The following ARID4B variants were observed in gnomAD, a reference collection of about 807,000 sequenced individuals.
ARID4B encodes AT-rich interaction domain 4B.
Under a neutral mutation model 147.5 loss-of-function variants are expected in ARID4B, and 26 were observed. That is an observed-to-expected ratio of 0.18 (90% CI 0.13 to 0.24). ARID4B has a LOEUF of 0.24. Ranked by LOEUF, ARID4B falls within the 10% of genes least tolerant of loss-of-function variation. ARID4B has a pLI of 1.00. For missense variants in ARID4B, 1,179 were observed against 1,511.5 expected (o/e 0.78, Z 3.65); for synonymous variants, 512 against 507.9 (o/e 1.01, Z -0.11).
chr1:235,221,808 T>C, intron 13 of ARID4B, 146 bp from the exon 14 acceptor site: 2 of 400,780 alleles, frequency 5.0e-6, no homozygotes, highest in Admixed American at 4.2e-5. Context: ...AATTCTAAAT[T>C]TGGTTTAAAA....
In ARID4B at chr1:235,213,828, A is replaced by C; in HGVS notation, c.1782T>G (p.Asp594Glu). ...GGACCTCTCCACCTTCGACATCAGA[A>C]TCTTTAATACTAGCTTCATACATTT... ...NQKMYEASIK[D>E]SDVEGGEVLY... The change falls in exon 17 of 24, where the codon GAT becomes GAG. Residue 594 changes from aspartate to glutamate, a missense_variant. By Grantham distance (45) the Asp-to-Glu change is conservative. This residue lies in a region of ARID4B where 28 missense variants were observed against 67.6 expected (regional missense o/e 0.41). Transcript: ENST00000264183. 3 of 1,614,096 alleles carry C rather than the reference A, an allele frequency of 1.9e-6. No homozygotes were observed. The highest frequency in any genetic ancestry group is 2.5e-6 in the Non-Finnish European group (3 of 1,179,980).
Position 235,265,593 on chromosome 1 carries a change from G to A in ARID4B, c.7-4841C>T, listed in dbSNP as rs1239990572. Among the ~76,000 whole-genome samples, 3 of 151,910 alleles carry A rather than the reference G, an allele frequency of 2.0e-5. No individual in the cohort carries two copies. In the East Asian group the frequency reaches 5.8e-4, roughly 29 times the overall value. On this transcript the variant is annotated intron_variant, in intron 2 of 23. Coordinates refer to ENST00000264183, the MANE Select transcript of ARID4B (RefSeq NM_016374.6). The stretch of plus-strand genomic sequence containing the variant: ...ACCTGCTTGTAGTCCTGGCTATGAG[G>A]GAGGCTAAGGTGGGAGGACCACTTC...
At chr1:235,197,818 C>T (rs1382503347) in intron 17 of ARID4B, among the ~76,000 whole-genome samples, 1 of 152,150 alleles carries the variant, frequency 6.6e-6, no homozygotes, top group Admixed American at 6.5e-5. Context: ...AAGTATTCTT[C>T]TACTAAATAC....
At chr1:235,302,886 T>G (rs1393805339) in intron 2 of ARID4B, among the ~76,000 whole-genome samples, 1 of 152,208 alleles carries the variant, frequency 6.6e-6, no homozygotes, top group African/African-American at 2.4e-5. Flanking sequence ...CAGTAAGTAA[T>G]AGTGCCAGGA....
intron 17 of ARID4B, 120 bp downstream of exon 17, chr1:235,213,649 A>G: frequency 1.8e-6 from 2 of 1,084,048 alleles, no homozygotes; most frequent in Admixed American, 2.8e-5. Context: ...TATTTTTTAT[A>G]AGGTACTATG....
intron 17 of ARID4B, among the ~76,000 whole-genome samples, chr1:235,208,473 A>G (rs1666472617): frequency 2.0e-5 from 3 of 152,034 alleles, no homozygotes; most frequent in Admixed American, 2.0e-4. Context: ...AAAAGAGAAC[A>G]CACTATAATA....
intron 17 of ARID4B, among the ~76,000 whole-genome samples, chr1:235,209,079 C>A (rs1281718401): frequency 6.6e-6 from 1 of 152,010 alleles, no homozygotes; most frequent in Non-Finnish European, 1.5e-5. Context: ...GACTTTTTTT[C>A]ATCACAACAG....
intron 19 of ARID4B, among the ~76,000 whole-genome samples, chr1:235,193,391 T>C (rs1228787376): frequency 6.6e-6 from 1 of 152,190 alleles, no homozygotes; most frequent in African/African-American, 2.4e-5. Context: ...AGTGAGACCC[T>C]GTCTCAAAGA....
intron 11 of ARID4B, chr1:235,228,285 CTTTTTTTTTTTTT>C (rs34559749): frequency 1.4e-5 from 1 of 73,914 alleles, no homozygotes; most frequent in African/African-American, 5.3e-5. Context: ...TAGGTAGGTT[CTTTTTTTTTTTTT>C]TTTTTTTTTT....
In ARID4B at chr1:235,305,910, T is replaced by A. The variant is rs188613730; in HGVS notation, c.6+21004A>T. On this transcript the variant is annotated intron_variant, in intron 2 of 23. Coordinates refer to ENST00000264183, the MANE Select transcript of ARID4B (RefSeq NM_016374.6). ...AAGAGGTCAAGGTTACAGTCAGCCA[T>A]GATCACGCTACTATATTCCTGCCCA... Among the ~76,000 whole-genome samples the A allele has an allele frequency of 2.6e-5, 4 of 152,330 alleles. No homozygotes were observed. The East Asian group carries it at 5.8e-4, about 22-fold the overall frequency.
At chr1:235,249,812 C>T (rs1261006264) in intron 6 of ARID4B, among the ~76,000 whole-genome samples, 4 of 151,812 alleles carry the variant, frequency 2.6e-5, no homozygotes, top group Admixed American at 6.6e-5. Context: ...TGGTGGCACA[C>T]GACTGTAGTC....
At chr1:235,200,978 A>G (rs1571959824) in intron 17 of ARID4B, among the ~76,000 whole-genome samples, 1 of 151,842 alleles carries the variant, frequency 6.6e-6, no homozygotes, top group Non-Finnish European at 1.5e-5. Context: ...CCCGTCTCTA[A>G]TAAAAATACA....
intron 2 of ARID4B, among the ~76,000 whole-genome samples, chr1:235,308,850 C>T (rs918667077): frequency 2.0e-5 from 3 of 152,216 alleles, no homozygotes; most frequent in African/African-American, 7.2e-5. Context: ...AGCCACCTGC[C>T]TTGGCCTCCC....
intron 2 of ARID4B, among the ~76,000 whole-genome samples, chr1:235,282,078 T>C (rs979175885): frequency 2.0e-5 from 3 of 152,156 alleles, no homozygotes; most frequent in African/African-American, 7.2e-5. Context: ...TACTAGAATA[T>C]AGTGGCATAT....
intron 9 of ARID4B, among the ~76,000 whole-genome samples, chr1:235,233,725 T>G (rs56269336): frequency 0.04 from 6,091 of 152,238 alleles, 455 homozygotes; most frequent in African/African-American, 0.14. Context: ...ACATAACTAG[T>G]AGAAGTATTG....
chr1:235,227,549 A>C (rs914959585), intron 11 of ARID4B, among the ~76,000 whole-genome samples: 1 of 152,230 alleles, frequency 6.6e-6, no homozygotes, highest in Non-Finnish European at 1.5e-5. Flanking sequence ...CAATTAATTT[A>C]CTAAACACAT....
rs369016233 is a variant in ARID4B, at chr1:235,325,760, T to C, written c.6+1154A>G. Among the ~76,000 whole-genome samples, 5 of 152,188 alleles carry C rather than the reference T, an allele frequency of 3.3e-5. No homozygotes were observed. In the East Asian group the frequency reaches 5.8e-4, roughly 18 times the overall value. ...GATAGGAATAAACTGTTTCAGGTAG[T>C]TTACAGCATCCCAAACTCAAAGAGA... is the stretch of plus-strand genomic sequence containing the variant. On this transcript the variant is annotated intron_variant, in intron 2 of 23. Transcript: ENST00000264183.
chr1:235,229,596 T>C (rs1285772325), intron 10 of ARID4B, among the ~76,000 whole-genome samples: 2 of 152,248 alleles, frequency 1.3e-5, no homozygotes, highest in African/African-American at 4.8e-5. Context: ...ATTTTATAGA[T>C]GGCAAAACTG....
Position 235,285,469 on chromosome 1 carries a change from G to A in ARID4B, c.7-24717C>T, listed in dbSNP as rs553277658. 7.9e-5 allele frequency among the ~76,000 whole-genome samples: 12 copies of A among 152,188 alleles called. No individual in the cohort carries two copies. In the South Asian group the frequency reaches 1.0e-3, roughly 13 times the overall value. On this transcript the variant is annotated intron_variant, in intron 2 of 23. Coordinates refer to ENST00000264183, the MANE Select transcript of ARID4B (RefSeq NM_016374.6). ...GGAACAGAATGAAACTTCCTCAATC[G>A]GACAAAAGGCATCCATGAAAAATCT...
Sources: gnomAD v4.1 joint callset for allele counts (sites outside exome capture counted in the v4.1 genomes callset) on GRCh38, gnomAD v4.1.1 for gene constraint, gnomAD v4.1.1 regional missense constraint, MANE v1.5 for transcripts, NCBI Gene and HGNC (gene_info 2026-07-23, HGNC 2026-07-21) for gene names.